The following TMEM39B variants were observed in gnomAD, a reference collection of about 807,000 sequenced individuals.
TMEM39B encodes transmembrane protein 39B.
In TMEM39B, 23 loss-of-function variants were observed where a neutral mutation model predicts 52.2. The observed-to-expected ratio is 0.44, with a 90% CI of 0.32 to 0.62. The LOEUF is 0.62. Ranked by LOEUF, TMEM39B falls within the 20% of genes least tolerant of loss-of-function variation. The pLI is 0.06. For missense variants in TMEM39B, 547 were observed against 642.0 expected (o/e 0.85, Z 1.60); for synonymous variants, 285 against 264.0 (o/e 1.08, Z -0.77).
At chr1:32,086,708 A>G (rs906521494) in intron 5 of TMEM39B, among the ~76,000 whole-genome samples, 14 of 152,062 alleles carry the variant, frequency 9.2e-5, no homozygotes, top group African/African-American at 3.1e-4. Flanking sequence ...TGGAGGTTGC[A>G]ATAAACTGAG....
At chr1:32,075,541 A>G (rs987376412) in intron 2 of TMEM39B, 62 bp from the exon 3 acceptor site, 55 of 1,500,544 alleles carry the variant, frequency 3.7e-5, no homozygotes, top group Non-Finnish European at 4.8e-5. Flanking sequence ...CCTTTGCCTC[A>G]GAAGCCCTTC....
rs1386738918 is a variant in TMEM39B at position 32,083,020 on chromosome 1, C to T, written c.590+5702C>T. Among the ~76,000 whole-genome samples the T allele has an allele frequency of 5.3e-5, 8 of 151,410 alleles. No individual in the cohort carries two copies. The East Asian group carries it at 1.4e-3, about 26-fold the overall frequency. On this transcript the variant is annotated intron_variant, in intron 5 of 8. Coordinates refer to ENST00000336294, the MANE Select transcript of TMEM39B (RefSeq NM_018056.4). Reference sequence around the variant, plus strand: ...CGATCTCCTGACCTCGTGATCCACCCGCCTCAGCCTCCCAAAGTGCTGGGA... The same window carrying T: ...CGATCTCCTGACCTCGTGATCCACCTGCCTCAGCCTCCCAAAGTGCTGGGA...
chr1:32,089,143 T>TC (rs1640500770), intron 5 of TMEM39B, among the ~76,000 whole-genome samples: 1 of 150,378 alleles, frequency 6.6e-6, no homozygotes, highest in Admixed American at 6.6e-5. Context: ...TTTTTTTTTT[T>TC]TTTTTTTTTT....
At chr1:32,095,747 G>A (rs1192298314) in intron 7 of TMEM39B, 1 of 152,384 alleles carries the variant, frequency 6.6e-6, no homozygotes, top group Non-Finnish European at 1.5e-5. Flanking sequence ...GAGGCCCCTA[G>A]GACAGGTTTG....
Position 32,077,325 on chromosome 1 carries a change from A to AC in TMEM39B, c.590+11dup, listed in dbSNP as rs747693414. ...TCCTGTTCCTCTGCTATCCGTGAGT[A>AC]CCCCTCACTTCACCCCTCACTGCCC... is the stretch of plus-strand genomic sequence containing the variant. On this transcript the variant is annotated splice_region_variant and intron_variant, in intron 5 of 8. Transcript: ENST00000336294. The AC allele has an allele frequency of 1.2e-5, 19 of 1,613,288 alleles. No homozygotes were observed. The highest frequency in any genetic ancestry group is 1.6e-5 in the Non-Finnish European group (19 of 1,179,690).
chr1:32,083,644 G>C (rs1285776863), intron 5 of TMEM39B, among the ~76,000 whole-genome samples: 1 of 150,794 alleles, frequency 6.6e-6, no homozygotes. Context: ...GGATGGTCTC[G>C]ATCTCCTGAC....
At position 32,098,978 on chromosome 1, in the gene TMEM39B, C is replaced by T. The variant is rs762047162; in HGVS notation, c.1116-1464C>T. 9.9e-5 allele frequency among the ~76,000 whole-genome samples: 15 copies of T among 152,236 alleles called. 1 individual carries two copies. The South Asian group carries it at 2.5e-3, about 25-fold the overall frequency. ...TAAAGGATGCCAAATGGGCCAGGCACGGTGGCTCATTGCCTGTATCCTAGC... is the reference window on the plus strand; with the variant it reads ...TAAAGGATGCCAAATGGGCCAGGCATGGTGGCTCATTGCCTGTATCCTAGC... On this transcript the variant is annotated intron_variant, in intron 7 of 8. Coordinates refer to ENST00000336294, the MANE Select transcript of TMEM39B (RefSeq NM_018056.4).
At chr1:32,098,453 C>A (rs1640895642) in intron 7 of TMEM39B, among the ~76,000 whole-genome samples, 5 of 152,124 alleles carry the variant, frequency 3.3e-5, no homozygotes, top group African/African-American at 1.2e-4. Context: ...GCTCACTGGG[C>A]CAGGTGCAGT....
At chr1:32,080,375 AGAGTTG>A (rs1640043066) in intron 5 of TMEM39B, among the ~76,000 whole-genome samples, 1 of 152,036 alleles carries the variant, frequency 6.6e-6, no homozygotes, top group African/African-American at 2.4e-5. Flanking sequence ...TTAGAACTTA[AGAGTTG>A]CCTGTCGGAC....
chr1:32,076,827 T>C lies in TMEM39B; in HGVS notation c.416T>C (p.Ile139Thr), dbSNP rs771906525. Residue 139 changes from isoleucine (I) to threonine (T), a missense_variant, in exon 4 of 9, where the codon ATT becomes ACT. Transcript: ENST00000336294. ...VTTIVLGRRF[I>T]GSIVKEASQR... ...ACCATCGTTCTGGGCCGCCGCTTCA[T>C]TGGGTCCATCGTGAAGGAGGTGATT... 2 of 1,614,058 alleles carry C rather than the reference T, an allele frequency of 1.2e-6. No homozygotes were observed. Among genetic ancestry groups the C allele is most frequent in the Non-Finnish European group, 1.7e-6 (2 of 1,179,992 alleles).
At chr1:32,080,136 C>A (rs1640033799) in intron 5 of TMEM39B, among the ~76,000 whole-genome samples, 1 of 151,986 alleles carries the variant, frequency 6.6e-6, no homozygotes, top group African/African-American at 2.4e-5. Context: ...GATCCGCCCA[C>A]CTTGGTCTCC....
rs1233409983 is a variant in TMEM39B, at chr1:32,073,687, T to G, written c.4+636T>G. 5.1e-6 allele frequency: 5 copies of G among 985,300 alleles called. No individual in the cohort carries two copies. The African/African-American group carries it at 8.7e-5, about 17-fold the overall frequency. 61.0% of individuals were successfully genotyped at this position (985,300 alleles called of 1,614,324 possible). On this transcript the variant is annotated intron_variant, in intron 1 of 8. Transcript: ENST00000336294. ...AGTATAACAGCGTATGAACAGAGCT[T>G]CTGGTCTGGGGGTTTATGGAGGGCA...
chr1:32,094,117 C>CA (rs1640720026), intron 6 of TMEM39B, among the ~76,000 whole-genome samples: 2 of 29,770 alleles, frequency 6.7e-5, no homozygotes, highest in African/African-American at 1.1e-4. Context: ...TGCGCCTGGC[C>CA]TTTTTTTTTT....
chr1:32,100,360 GT>G, intron 7 of TMEM39B, 81 bp from the exon 8 acceptor site: 1 of 1,445,934 alleles, frequency 6.9e-7, no homozygotes. Context: ...TAGAGCCCTG[GT>G]GATTCCCTCC....
At chr1:32,077,065 T>A in intron 4 of TMEM39B, 99 bp from the exon 5 acceptor site, 1 of 1,524,678 alleles carries the variant, frequency 6.6e-7, no homozygotes. Flanking sequence ...GTGCCACCTC[T>A]CCCTGGGTGG....
chr1:32,075,843 TGTGTGTGTGTGTGTGTGTGTGC>T, intron 3 of TMEM39B, 21 bp downstream of exon 3: 1 of 1,030,864 alleles, frequency 9.7e-7, no homozygotes, highest in Non-Finnish European at 1.3e-6. Context: ...AACAAGGGTG[TGTGTGTGTGTGTGTGTGTGTGC>T]GTGTGTGTGT....
At chr1:32,076,586 G>A (rs977321002) in intron 3 of TMEM39B, 177 bp from the exon 4 acceptor site, 24 of 713,964 alleles carry the variant, frequency 3.4e-5, no homozygotes, top group Admixed American at 1.4e-4. Context: ...TTCCCTTCTC[G>A]GGGTCCTGTC....
intron 6 of TMEM39B, among the ~76,000 whole-genome samples, chr1:32,093,461 G>T (rs1306626352): frequency 2.1e-5 from 3 of 141,780 alleles, no homozygotes; most frequent in Non-Finnish European, 3.0e-5. Flanking sequence ...GCCCAGGCTG[G>T]AGTGCAGTGG....
chr1:32,076,103 C>CTTTTTTTTTT (rs1178215057), intron 3 of TMEM39B: 16 of 76,260 alleles, frequency 2.1e-4, no homozygotes, highest in East Asian at 4.8e-4. Context: ...TTCTTTTCTT[C>CTTTTTTTTTT]TTTTTTTTTT....
Sources: allele counts gnomAD v4.1 joint callset (sites outside exome capture counted in the v4.1 genomes callset), GRCh38; gene constraint gnomAD v4.1.1; transcripts MANE v1.5; gene names NCBI Gene and HGNC (gene_info 2026-07-23, HGNC 2026-07-21).